SPATA16: variants seen among roughly 807,000 people sequenced by gnomAD.
The protein encoded by SPATA16 is spermatogenesis-associated protein 16.
In SPATA16, 36 loss-of-function variants were observed where a neutral mutation model predicts 63.3. The ratio of observed to expected loss-of-function variants is 0.57; its 90% CI spans 0.44 to 0.75. SPATA16 has a LOEUF of 0.75. SPATA16 is among the 30% of genes least tolerant of loss of function. SPATA16 has a pLI of 0.00. For missense variants in SPATA16, 646 were observed against 679.3 expected, an observed-to-expected ratio of 0.95 and a Z score of 0.54; for synonymous variants, 203 against 216.7, an observed-to-expected ratio of 0.94 and a Z score of 0.56.
chr3:173,112,946 GTTGT>G (rs1737788184), intron 2 of SPATA16, among the ~76,000 whole-genome samples: 1 of 138,924 alleles, frequency 7.2e-6, no homozygotes, highest in South Asian at 2.1e-4. Context: ...AAATGGTGGT[GTTGT>G]TTAAGTTGCA....
At chr3:173,065,766 CA>C in intron 2 of SPATA16, among the ~76,000 whole-genome samples, 1 of 152,188 alleles carries the variant, frequency 6.6e-6, no homozygotes, top group African/African-American at 2.4e-5. Flanking sequence ...CAGAACACAA[CA>C]TAGGGCAGAA....
chr3:173,073,488 G>A (rs930035863), intron 2 of SPATA16, among the ~76,000 whole-genome samples: 3 of 152,358 alleles, frequency 2.0e-5, no homozygotes, highest in East Asian at 3.9e-4. Context: ...TGGCTAAAAG[G>A]TGCCAAGGAA....
chr3:173,058,099 CTA>C (rs1301100001), intron 2 of SPATA16, among the ~76,000 whole-genome samples: 1 of 152,124 alleles, frequency 6.6e-6, no homozygotes, highest in Non-Finnish European at 1.5e-5. Context: ...GTGACTAAAT[CTA>C]TATGAATTTC....
At chr3:172,993,173 C>A (rs1734617782) in intron 4 of SPATA16, among the ~76,000 whole-genome samples, 1 of 148,054 alleles carries the variant, frequency 6.8e-6, no homozygotes, top group African/African-American at 2.5e-5. Flanking sequence ...GTTTAAAATC[C>A]AACCTTTGTT....
chr3:172,896,356 G>A (rs943661574), intron 10 of SPATA16, among the ~76,000 whole-genome samples: 1 of 152,140 alleles, frequency 6.6e-6, no homozygotes, highest in African/African-American at 2.4e-5. Context: ...GAGTAGCTGG[G>A]ACTATAGGTG....
chr3:173,124,656 G>A (rs1362774774), intron 1 of SPATA16, among the ~76,000 whole-genome samples: 1 of 152,064 alleles, frequency 6.6e-6, no homozygotes, highest in Non-Finnish European at 1.5e-5. Context: ...GCCAAATTCG[G>A]TGGTCACCCC....
rs71162321 is a variant in SPATA16 at position 172,978,138 on chromosome 3, CCTCT to C, written c.849-1090_849-1087del. Among the ~76,000 whole-genome samples, 28 of 148,346 alleles carry C rather than the reference CCTCT, an allele frequency of 1.9e-4. 1 individual carries two copies. The highest frequency in any genetic ancestry group is 4.0e-4 in the Admixed American group (6 of 14,920). On this transcript the variant is annotated intron_variant, in intron 4 of 10. Transcript: ENST00000351008. Reference sequence around the variant, plus strand: ...TTATTCAGCTCTCTCTCTCTCTCTCCCTCTCTCTCTCTCTCTCTCTCTCTATATA... The same window carrying C: ...TTATTCAGCTCTCTCTCTCTCTCTCCCTCTCTCTCTCTCTCTCTCTATATA...
chr3:173,098,640 A>C (rs1395307756), intron 2 of SPATA16, among the ~76,000 whole-genome samples: 1 of 152,154 alleles, frequency 6.6e-6, no homozygotes, highest in African/African-American at 2.4e-5. Flanking sequence ...AAGGCCATTG[A>C]TAAGTGTTAA....
At chr3:173,017,291 G>A (rs1192438653) in intron 4 of SPATA16, among the ~76,000 whole-genome samples, 1 of 152,182 alleles carries the variant, frequency 6.6e-6, no homozygotes, top group African/African-American at 2.4e-5. Context: ...TATCAGGTCA[G>A]TCATCAAATG....
rs1577170727 is a variant in SPATA16, at chr3:173,093,089, A to G, written c.612+24031T>C. On this transcript the variant is annotated intron_variant, in intron 2 of 10. Transcript: ENST00000351008. ...CACACACACACACATATATATATATATGTTTCAAGTTATGATTGACAGTTA... is the reference window on the plus strand; with the variant it reads ...CACACACACACACATATATATATATGTGTTTCAAGTTATGATTGACAGTTA... 6.6e-5 allele frequency among the ~76,000 whole-genome samples: 10 copies of G among 151,566 alleles called. No homozygotes were observed. In the South Asian group the frequency reaches 2.1e-3, roughly 32 times the overall value.
chr3:172,969,700 C>T (rs149182574), intron 5 of SPATA16, among the ~76,000 whole-genome samples: 52 of 152,258 alleles, frequency 3.4e-4, no homozygotes, highest in African/African-American at 1.2e-3. Flanking sequence ...TTGTGGGTCT[C>T]AATTTTTCCC....
intron 2 of SPATA16, among the ~76,000 whole-genome samples, chr3:173,108,203 C>T (rs1262970868): frequency 1.3e-5 from 2 of 152,064 alleles, no homozygotes; most frequent in African/African-American, 4.8e-5. Flanking sequence ...GAGACACACA[C>T]TATCTAACCA....
chr3:173,069,002 C>T (rs570117020), intron 2 of SPATA16, among the ~76,000 whole-genome samples: 68 of 150,028 alleles, frequency 4.5e-4, no homozygotes, highest in African/African-American at 1.5e-3. Flanking sequence ...CCCAGCTACT[C>T]GGGAGGCTGA....
intron 5 of SPATA16, among the ~76,000 whole-genome samples, chr3:172,960,908 C>CTTTCTTTCTTTCTTTCTTT (rs1560080043): frequency 1.7e-5 from 2 of 118,412 alleles, no homozygotes; most frequent in South Asian, 2.8e-4. Context: ...CTTCCTTCCT[C>CTTTCTTTCTTTCTTTCTTT]CCTCCCTCCC....
intron 2 of SPATA16, among the ~76,000 whole-genome samples, chr3:173,093,900 T>C (rs1350558767): frequency 1.3e-5 from 2 of 152,152 alleles, no homozygotes; most frequent in Non-Finnish European, 2.9e-5. Flanking sequence ...CATTTCTCTT[T>C]TTATCTTAGC....
chr3:173,031,011 G>A (rs1404380880), intron 3 of SPATA16, among the ~76,000 whole-genome samples: 1 of 152,016 alleles, frequency 6.6e-6, no homozygotes. Flanking sequence ...CATTTTCATT[G>A]ATGTACCTGG....
chr3:172,893,299 A>G (rs1346553542), intron 10 of SPATA16, among the ~76,000 whole-genome samples: 1 of 152,136 alleles, frequency 6.6e-6, no homozygotes, highest in African/African-American at 2.4e-5. Flanking sequence ...AAAACAGGGA[A>G]ATTTGGAGAC....
intron 3 of SPATA16, among the ~76,000 whole-genome samples, chr3:173,041,541 T>C (rs1396081494): frequency 6.6e-6 from 1 of 152,202 alleles, no homozygotes; most frequent in African/African-American, 2.4e-5. Context: ...GATTACATCC[T>C]TTCCTTTTGT....
intron 4 of SPATA16, among the ~76,000 whole-genome samples, chr3:172,981,241 A>G (rs1560087182): frequency 6.6e-6 from 1 of 152,052 alleles, no homozygotes; most frequent in Non-Finnish European, 1.5e-5. Flanking sequence ...GATTACTGCA[A>G]CGGCCTCCAA....
Sources: gnomAD v4.1 joint callset for allele counts (sites outside exome capture counted in the v4.1 genomes callset) on GRCh38, gnomAD v4.1.1 for gene constraint, MANE v1.5 for transcripts, NCBI Gene and HGNC (gene_info 2026-07-23, HGNC 2026-07-21) for gene names.